FBLN5: variants seen among roughly 807,000 people sequenced by gnomAD.
The protein encoded by FBLN5 is fibulin 5, also known as fibulin-5.
Under a neutral mutation model 61.6 loss-of-function variants are expected in FBLN5, and 24 were observed. That is an observed-to-expected ratio of 0.39 (90% confidence interval 0.28 to 0.55). FBLN5 has a LOEUF of 0.55. FBLN5 is among the 20% of genes least tolerant of loss of function. The pLI is 0.65. For synonymous variants in FBLN5, 213 were observed against 219.8 expected (o/e 0.97, Z 0.27); for missense variants, 470 against 594.1 (o/e 0.79, Z 2.17).
rs546457188 is a variant in FBLN5 at position 91,894,806 on chromosome 14, G to A, written c.502+144C>T. ...TTTTCAAGGGTGGTTACACATGTGA[G>A]TTCAATAGCCTTCCACCCCTCCCGC... is the stretch of plus-strand genomic sequence containing the variant. On this transcript the variant is annotated intron_variant, in intron 5 of 10. Coordinates refer to ENST00000342058, the MANE Select transcript of FBLN5 (RefSeq NM_006329.4). 15 of 815,022 alleles carry A rather than the reference G, an allele frequency of 1.8e-5. No homozygotes were observed. In the East Asian group the frequency reaches 3.2e-4, roughly 18 times the overall value. 50.5% of individuals were successfully genotyped at this position (815,022 alleles called of 1,614,324 possible).
At chr14:91,939,449 C>T (rs1023020928) in intron 3 of FBLN5, among the ~76,000 whole-genome samples, 6 of 151,712 alleles carry the variant, frequency 4.0e-5, no homozygotes, top group African/African-American at 1.2e-4. Flanking sequence ...AAACCATTCT[C>T]CTGCCTCAGC....
chr14:91,926,765 G>A (rs773466072), intron 4 of FBLN5, among the ~76,000 whole-genome samples: 1 of 151,356 alleles, frequency 6.6e-6, no homozygotes, highest in African/African-American at 2.4e-5. Context: ...GAGCTTGCAG[G>A]TACGTGGAGT....
At chr14:91,916,173 C>T (rs1225446597) in intron 4 of FBLN5, among the ~76,000 whole-genome samples, 1 of 152,140 alleles carries the variant, frequency 6.6e-6, no homozygotes, top group African/African-American at 2.4e-5. Flanking sequence ...TGGCCAGGCA[C>T]GGTGGCTCAC....
chr14:91,927,287 C>T (rs901640031), intron 4 of FBLN5, among the ~76,000 whole-genome samples: 1 of 152,322 alleles, frequency 6.6e-6, no homozygotes, highest in East Asian at 1.9e-4. Context: ...ATAACATAAA[C>T]ATCTCCCAAA....
At chr14:91,916,183 C>T (rs781656864) in intron 4 of FBLN5, among the ~76,000 whole-genome samples, 39 of 152,194 alleles carry the variant, frequency 2.6e-4, no homozygotes, top group African/African-American at 7.2e-4. Flanking sequence ...CGGTGGCTCA[C>T]GCCTGTAATC....
At chr14:91,935,625 C>G (rs2056001561) in intron 4 of FBLN5, among the ~76,000 whole-genome samples, 1 of 152,150 alleles carries the variant, frequency 6.6e-6, no homozygotes, top group South Asian at 2.1e-4. Context: ...GGACTGGCAT[C>G]CTACCTCTGT....
intron 1 of FBLN5, chr14:91,946,705 G>T (rs1220857421): frequency 1.3e-6 from 2 of 1,533,712 alleles, no homozygotes; most frequent in South Asian, 2.4e-5. Context: ...CAAAACATTT[G>T]CTTACATGTA....
intron 4 of FBLN5, among the ~76,000 whole-genome samples, chr14:91,936,328 G>A (rs545906273): frequency 1.2e-3 from 179 of 152,310 alleles, no homozygotes; most frequent in African/African-American, 4.2e-3. Flanking sequence ...CGATCACAGC[G>A]CACCTTGGTC....
At chr14:91,877,121 G>A (rs536261208) in intron 10 of FBLN5, among the ~76,000 whole-genome samples, 1 of 152,232 alleles carries the variant, frequency 6.6e-6, no homozygotes, top group African/African-American at 2.4e-5. Context: ...GGGATTACAG[G>A]CATCAGCCCC....
At chr14:91,887,940 T>C (rs1175926472) in intron 6 of FBLN5, among the ~76,000 whole-genome samples, 1 of 152,086 alleles carries the variant, frequency 6.6e-6, no homozygotes, top group Non-Finnish European at 1.5e-5. Flanking sequence ...TACACGTATG[T>C]CAAAATTAAT....
Position 91,877,526 on chromosome 14 carries a change from C to G in FBLN5, c.1146G>C (p.Gln382His), listed in dbSNP as rs773084652. The G allele has an allele frequency of 6.2e-7, 1 of 1,614,112 alleles. No homozygotes were observed. The highest frequency in any genetic ancestry group is 8.5e-7 in the Non-Finnish European group (1 of 1,180,022). Residue 382 changes from glutamine (Q) to histidine (H), a missense_variant, in exon 10 of 11, where the codon CAG becomes CAC. Gln to His is a conservative substitution (Grantham distance 24). Transcript: ENST00000342058. Reference protein sequence around the residue: ...TRYPGAYYIFQIKSGNEGREF... With the variant: ...TRYPGAYYIFHIKSGNEGREF... ...CTCTGCCCTCATTCCCAGATTTGAT[C>G]TGGAAAATGTAATAGGCCCCAGGGT...
intron 4 of FBLN5, among the ~76,000 whole-genome samples, chr14:91,897,169 C>T (rs117184514): frequency 0.018 from 2,804 of 152,142 alleles, 42 homozygotes; most frequent in Non-Finnish European, 0.028. Flanking sequence ...TCCACTCCAC[C>T]CTGATGTTAA....
At position 91,911,656 on chromosome 14, in the gene FBLN5, C is replaced by T. The variant is rs541066487; in HGVS notation, c.380-16584G>A. On this transcript the variant is annotated intron_variant, in intron 4 of 10. Coordinates refer to ENST00000342058, the MANE Select transcript of FBLN5 (RefSeq NM_006329.4). ...TCTCAGCTCGTTTGAGAAAATAAGG[C>T]CTCTGAGGTCTCTTCTATCTGGAAA... is the stretch of plus-strand genomic sequence containing the variant. Among the ~76,000 whole-genome samples the T allele has an allele frequency of 1.8e-4, 28 of 152,334 alleles. No homozygotes were observed. The South Asian group carries it at 1.9e-3, about 10-fold the overall frequency.
intron 4 of FBLN5, among the ~76,000 whole-genome samples, chr14:91,905,711 C>T (rs546730295): frequency 1.5e-4 from 22 of 150,814 alleles, no homozygotes; most frequent in Non-Finnish European, 2.7e-4. Flanking sequence ...TCCCGAGTAG[C>T]TGGAATTACA....
At chr14:91,932,874 T>C (rs1190209980) in intron 4 of FBLN5, among the ~76,000 whole-genome samples, 1 of 152,224 alleles carries the variant, frequency 6.6e-6, no homozygotes, top group Non-Finnish European at 1.5e-5. Flanking sequence ...ACCAATGCAA[T>C]TTGCAGAATT....
At chr14:91,891,175 A>G in intron 6 of FBLN5, 46 bp downstream of exon 6, 1 of 1,056,678 alleles carries the variant, frequency 9.5e-7, no homozygotes, top group East Asian at 2.4e-5. Flanking sequence ...AGAAGGCTGC[A>G]GCTAGTGTCT....
At chr14:91,946,128 C>G (rs1001603163) in intron 1 of FBLN5, among the ~76,000 whole-genome samples, 6 of 152,054 alleles carry the variant, frequency 3.9e-5, no homozygotes, top group African/African-American at 1.4e-4. Context: ...AGAGGCAGCC[C>G]TGGGACAGGT....
At chr14:91,920,998 T>C (rs2055724298) in intron 4 of FBLN5, among the ~76,000 whole-genome samples, 1 of 152,152 alleles carries the variant, frequency 6.6e-6, no homozygotes, top group Non-Finnish European at 1.5e-5. Context: ...ACACAGAGGG[T>C]TCTGAAAGTA....
chr14:91,939,366 G>GTC (rs2056070926), intron 3 of FBLN5, among the ~76,000 whole-genome samples: 1 of 139,150 alleles, frequency 7.2e-6, no homozygotes, highest in Non-Finnish European at 1.5e-5. Context: ...TTGAGACAGA[G>GTC]TCTCTCTCTG....
Sources: allele counts gnomAD v4.1 joint callset (sites outside exome capture counted in the v4.1 genomes callset), GRCh38; gene constraint gnomAD v4.1.1; transcripts MANE v1.5; gene names NCBI Gene and HGNC (gene_info 2026-07-23, HGNC 2026-07-21).